The following PPP1R42 variants were observed in gnomAD, a reference collection of about 807,000 sequenced individuals.
PPP1R42 encodes protein phosphatase 1 regulatory subunit 42.
PPP1R42 carries 34 observed loss-of-function variants against 31.0 expected under a neutral mutation model. That is an observed-to-expected ratio of 1.10 (90% CI 0.83 to 1.46). The LOEUF (loss-of-function observed/expected upper bound fraction) is 1.46. PPP1R42 is among the 40% of genes most tolerant of loss of function. The pLI, the probability that PPP1R42 is intolerant of heterozygous loss-of-function variation, is 0.00. For synonymous variants in PPP1R42, 103 were observed against 109.8 expected, an observed-to-expected ratio of 0.94 and a Z score of 0.39; for missense variants, 268 against 303.0, an observed-to-expected ratio of 0.88 and a Z score of 0.86.
At chr8:67,003,389 CTTTTTTTTTTTT>C (rs5892069) in intron 5 of PPP1R42, among the ~76,000 whole-genome samples, 1 of 32,908 alleles carries the variant, frequency 3.0e-5, no homozygotes, top group South Asian at 1.1e-3. Context: ...TTTCATGCTT[CTTTTTTTTTTTT>C]TTTTTTTTTC....
chr8:67,001,198 G>T (rs190994018), intron 5 of PPP1R42, among the ~76,000 whole-genome samples: 1 of 146,390 alleles, frequency 6.8e-6, no homozygotes, highest in Admixed American at 6.8e-5. Context: ...TATATAAAAT[G>T]TGTTTCTCTA....
intron 7 of PPP1R42, among the ~76,000 whole-genome samples, chr8:66,967,669 G>GCTAATATTTATAAATTTATAAATA: frequency 6.6e-6 from 1 of 152,098 alleles, no homozygotes; most frequent in Admixed American, 6.5e-5. Flanking sequence ...AAGGGTACTA[G>GCTAATATTTATAAATTTATAAATA]GTATTTTATA....
At chr8:66,985,654 C>T (rs527363316) in intron 6 of PPP1R42, 6 of 1,336,264 alleles carry the variant, frequency 4.5e-6, no homozygotes, top group Non-Finnish European at 6.5e-6. Flanking sequence ...GAAAGTGGCA[C>T]CCTGGGAGGG....
At position 67,018,958 on chromosome 8, in the gene PPP1R42, T is replaced by C. The variant is rs147267747; in HGVS notation, c.-84-1127A>G. 2.2e-3 allele frequency among the ~76,000 whole-genome samples: 333 copies of C among 150,354 alleles called. 6 individuals carry two copies. In the East Asian group the frequency reaches 0.054, roughly 24 times the overall value. ...AATTCACCTGCCTCAGCCTCCCAAG[T>C]AGCTGGGACTATAGGCACACGCCGC... On this transcript the variant is annotated intron_variant, in intron 1 of 7. Transcript: ENST00000685739.
chr8:66,986,258 A>T, intron 6 of PPP1R42: 2 of 506,326 alleles, frequency 4.0e-6, no homozygotes, highest in Non-Finnish European at 7.6e-6. Flanking sequence ...CTGATAAATT[A>T]GGGAGAAAAG....
chr8:67,025,557 T>TG (rs1554542993), intron 1 of PPP1R42, among the ~76,000 whole-genome samples: 13 of 151,956 alleles, frequency 8.6e-5, no homozygotes, highest in African/African-American at 2.9e-4. Context: ...TTTTTTTTTT[T>TG]TGTGGCTGAG....
At chr8:67,015,212 T>A (rs1221874792) in intron 2 of PPP1R42, among the ~76,000 whole-genome samples, 1 of 151,746 alleles carries the variant, frequency 6.6e-6, no homozygotes, top group African/African-American at 2.4e-5. Flanking sequence ...AGAGACGGGG[T>A]TTCACTATGT....
At chr8:67,006,336 G>T (rs1815672519) in intron 5 of PPP1R42, among the ~76,000 whole-genome samples, 1 of 151,950 alleles carries the variant, frequency 6.6e-6, no homozygotes, top group African/African-American at 2.4e-5. Flanking sequence ...AATCTTCTCT[G>T]CTTAGGTCTC....
intron 1 of PPP1R42, among the ~76,000 whole-genome samples, chr8:67,026,282 G>A (rs1816394447): frequency 6.6e-6 from 1 of 151,752 alleles, no homozygotes; most frequent in Admixed American, 6.6e-5. Flanking sequence ...AGGTTGTGGT[G>A]AGCCAAGATT....
intron 1 of PPP1R42, among the ~76,000 whole-genome samples, chr8:67,020,325 G>A (rs887544638): frequency 6.6e-6 from 1 of 151,820 alleles, no homozygotes; most frequent in African/African-American, 2.4e-5. Context: ...TCAGCCTCCC[G>A]AGTAGCTGAG....
At chr8:67,015,004 A>G (rs1815963520) in intron 2 of PPP1R42, among the ~76,000 whole-genome samples, 1 of 152,134 alleles carries the variant, frequency 6.6e-6, no homozygotes, top group Non-Finnish European at 1.5e-5. Context: ...CTAGATATCC[A>G]AGAATAATAG....
At chr8:66,977,391 G>T (rs1187531533) in intron 7 of PPP1R42, among the ~76,000 whole-genome samples, 1 of 150,604 alleles carries the variant, frequency 6.6e-6, no homozygotes, top group East Asian at 2.0e-4. Context: ...AGGCAGGAGT[G>T]CAGTGGCGTG....
At chr8:67,009,525 G>A (rs988131732) in intron 5 of PPP1R42, among the ~76,000 whole-genome samples, 2 of 151,890 alleles carry the variant, frequency 1.3e-5, no homozygotes, top group African/African-American at 2.4e-5. Context: ...TCAAGATCTC[G>A]CCATTGCACT....
At chr8:67,019,190 C>T (rs1816125218) in intron 1 of PPP1R42, among the ~76,000 whole-genome samples, 1 of 149,410 alleles carries the variant, frequency 6.7e-6, no homozygotes, top group African/African-American at 2.5e-5. Flanking sequence ...GCCTATGCCT[C>T]AGCTGGGACC....
intron 5 of PPP1R42, among the ~76,000 whole-genome samples, chr8:67,000,490 A>G (rs767184643): frequency 1.8e-4 from 28 of 151,876 alleles, no homozygotes; most frequent in Non-Finnish European, 3.5e-4. Context: ...ATAGGGTCTC[A>G]CTCTGTTGCC....
intron 1 of PPP1R42, among the ~76,000 whole-genome samples, chr8:67,028,251 G>A (rs991652484): frequency 6.6e-6 from 1 of 151,876 alleles, no homozygotes; most frequent in Non-Finnish European, 1.5e-5. Flanking sequence ...TCAGCCCCGC[G>A]ACCACCCCTC....
At chr8:67,012,354 G>A (rs1297350722) in intron 4 of PPP1R42, among the ~76,000 whole-genome samples, 3 of 152,152 alleles carry the variant, frequency 2.0e-5, no homozygotes, top group Non-Finnish European at 2.9e-5. Flanking sequence ...TTGTTTTGAG[G>A]ATTAGCAGGA....
chr8:66,982,675 C>G (rs1814878643), intron 6 of PPP1R42, among the ~76,000 whole-genome samples: 1 of 152,180 alleles, frequency 6.6e-6, no homozygotes, highest in East Asian at 1.9e-4. Context: ...CCAGGCTGGC[C>G]TGGAACTCCT....
At chr8:66,987,782 A>G (rs1205887927) in intron 6 of PPP1R42, among the ~76,000 whole-genome samples, 3 of 152,216 alleles carry the variant, frequency 2.0e-5, no homozygotes, top group African/African-American at 7.2e-5. Flanking sequence ...AGGACTGGGT[A>G]ACCTAAAAAA....
Sources: allele counts gnomAD v4.1 joint callset (sites outside exome capture counted in the v4.1 genomes callset), GRCh38; gene constraint gnomAD v4.1.1; transcripts MANE v1.5; gene names NCBI Gene and HGNC (gene_info 2026-07-23, HGNC 2026-07-21).